The following NEDD4L variants were observed in gnomAD, a reference collection of about 807,000 sequenced individuals.
The protein encoded by NEDD4L is NEDD4 like E3 ubiquitin protein ligase, also known as E3 ubiquitin-protein ligase NEDD4-like.
In NEDD4L, 54 loss-of-function variants were observed where a neutral mutation model predicts 148.9. That is an observed-to-expected ratio of 0.36 (90% CI 0.29 to 0.45). NEDD4L has a LOEUF of 0.45. NEDD4L is among the 20% of genes least tolerant of loss of function. The probability of loss-of-function intolerance (pLI) is 1.00; values close to 1 mark genes in which losing one functional copy is unlikely to be tolerated. For synonymous variants in NEDD4L, 433 were observed against 440.7 expected (o/e 0.98, Z 0.22); for missense variants, 856 against 1,233.8 (o/e 0.69, Z 4.59).
intron 1 of NEDD4L, among the ~76,000 whole-genome samples, chr18:58,151,625 A>ATGTGTGTGTG (rs113714456): frequency 0.085 from 12,037 of 140,948 alleles, 535 homozygotes; most frequent in African/African-American, 0.094. Flanking sequence ...GTGCCTGGAT[A>ATGTGTGTGTG]TGTGTGTGTG....
chr18:58,192,833 A>G (rs1026602365), intron 2 of NEDD4L, among the ~76,000 whole-genome samples: 1 of 152,244 alleles, frequency 6.6e-6, no homozygotes, highest in African/African-American at 2.4e-5. Flanking sequence ...GCACTTGAAC[A>G]TAGGCCATAG....
Position 58,366,187 on chromosome 18 carries a change from G to A in NEDD4L, c.2022G>A (p.Glu674=), listed in dbSNP as rs1254234982. 6.2e-7 allele frequency: 1 copy of A among 1,613,060 alleles called. No homozygotes were observed. ...AREWFFLLSK[E]MFNPYYGLFE... The stretch of plus-strand genomic sequence containing the variant: ...AATGGTTCTTCTTACTGTCCAAAGA[G>A]ATGTTCAACCCCTACTACGGCCTCT... Residue 674 remains glutamate (E), a synonymous_variant, in exon 21 of 31, where the codon GAG becomes GAA. Coordinates refer to ENST00000400345, the MANE Select transcript of NEDD4L (RefSeq NM_001144967.3). The surrounding 1 kb of genome is among the most constrained non-coding windows in gnomAD (Gnocchi z 4.2).
At chr18:58,322,320 C>T (rs2058864905) in intron 6 of NEDD4L, 105 bp from the exon 7 acceptor site, 1 of 816,176 alleles carries the variant, frequency 1.2e-6, no homozygotes, top group East Asian at 2.7e-5. Flanking sequence ...TCAGCGGTGC[C>T]ACATTCTAAA....
In NEDD4L at chr18:58,397,492, G is replaced by C. The variant is rs941099037; in HGVS notation, c.*1223G>C. Reference sequence around the variant, plus strand: ...GATGTAAAGCTGAGCCTACAGACCTGTCCTCACCAACTGTTTTGTGATTTC... The same window carrying C: ...GATGTAAAGCTGAGCCTACAGACCTCTCCTCACCAACTGTTTTGTGATTTC... On this transcript the variant is annotated 3_prime_UTR_variant, in exon 31 of 31. Coordinates refer to ENST00000400345, the MANE Select transcript of NEDD4L (RefSeq NM_001144967.3). 1 of 152,186 alleles carries C rather than the reference G, an allele frequency of 6.6e-6. No homozygotes were observed. Among genetic ancestry groups the C allele is most frequent in the Non-Finnish European group, 1.5e-5 (1 of 68,048 alleles). The allele number at this position is 152,186 out of a possible 1,614,324, so 9.4% of individuals were successfully genotyped here. A position where few individuals can be genotyped will look rare whatever the true frequency, so the allele number is the denominator to read the frequency against.
At chr18:58,281,746 C>T (rs916064075) in intron 5 of NEDD4L, among the ~76,000 whole-genome samples, 1 of 151,854 alleles carries the variant, frequency 6.6e-6, no homozygotes, top group Non-Finnish European at 1.5e-5. Flanking sequence ...AAAATGTTGG[C>T]TGGGCGCGGT....
intron 24 of NEDD4L, among the ~76,000 whole-genome samples, chr18:58,373,996 T>C (rs989344367): frequency 6.6e-6 from 1 of 152,208 alleles, no homozygotes; most frequent in Admixed American, 6.5e-5. Context: ...CTGGTACCTG[T>C]CCTTCCGCAA....
intron 5 of NEDD4L, among the ~76,000 whole-genome samples, chr18:58,311,502 G>A (rs534717984): frequency 1.3e-5 from 2 of 152,302 alleles, no homozygotes; most frequent in East Asian, 3.9e-4. Context: ...CCTGTGGGTA[G>A]CCCTTACTTC....
intron 25 of NEDD4L, 71 bp from the exon 26 acceptor site, chr18:58,385,455 C>A: frequency 8.1e-7 from 1 of 1,229,192 alleles, no homozygotes; most frequent in South Asian, 1.2e-5. Flanking sequence ...GAAGCACTCC[C>A]TGTTGCGGAG....
chr18:58,160,298 A>G (rs181220899), intron 1 of NEDD4L, among the ~76,000 whole-genome samples: 1 of 152,346 alleles, frequency 6.6e-6, no homozygotes, highest in East Asian at 1.9e-4. Context: ...CAGTTTGGAC[A>G]CTATTAGTGT....
At chr18:58,261,252 G>A (rs1209004863) in intron 5 of NEDD4L, among the ~76,000 whole-genome samples, 3 of 152,198 alleles carry the variant, frequency 2.0e-5, no homozygotes, top group South Asian at 2.1e-4. Flanking sequence ...AAAAGGACTC[G>A]TAAGTATATT....
chr18:58,067,440 G>A (rs2082656065), intron 1 of NEDD4L, among the ~76,000 whole-genome samples: 1 of 152,180 alleles, frequency 6.6e-6, no homozygotes. Context: ...GGGTTATCAG[G>A]GAATGAGCTA....
At chr18:58,369,588 C>T (rs2046568265) in intron 22 of NEDD4L, among the ~76,000 whole-genome samples, 1 of 152,192 alleles carries the variant, frequency 6.6e-6, no homozygotes. Context: ...CTGCATAGGG[C>T]CACGCTGAGC....
At chr18:58,391,056 G>A (rs114751531) in intron 29 of NEDD4L, among the ~76,000 whole-genome samples, 347 of 151,506 alleles carry the variant, frequency 2.3e-3, no homozygotes, top group Admixed American at 8.0e-3. Context: ...TTATATGGTC[G>A]TAAACTGAGG....
At chr18:58,082,788 C>CAAAA (rs376651872) in intron 1 of NEDD4L, among the ~76,000 whole-genome samples, 4 of 68,368 alleles carry the variant, frequency 5.9e-5, no homozygotes, top group African/African-American at 1.3e-4. Context: ...GACTCCATCT[C>CAAAA]AAAAAAAAAA....
At chr18:58,109,171 G>T (rs1040408810) in intron 1 of NEDD4L, among the ~76,000 whole-genome samples, 1 of 152,204 alleles carries the variant, frequency 6.6e-6, no homozygotes, top group South Asian at 2.1e-4. Flanking sequence ...ATAAGGCAAG[G>T]CTCCTGCCCT....
intron 5 of NEDD4L, among the ~76,000 whole-genome samples, chr18:58,266,578 T>C (rs1250862075): frequency 6.6e-6 from 1 of 152,162 alleles, no homozygotes; most frequent in Non-Finnish European, 1.5e-5. Context: ...CATTGCAAAG[T>C]AGGTCTTGTA....
intron 1 of NEDD4L, among the ~76,000 whole-genome samples, chr18:58,151,508 T>C (rs903072363): frequency 3.3e-5 from 5 of 152,172 alleles, no homozygotes. Flanking sequence ...TAGTAGGTGC[T>C]CAGTAAAGCT....
chr18:58,206,964 AC>A (rs2042046151), intron 2 of NEDD4L, among the ~76,000 whole-genome samples: 1 of 152,246 alleles, frequency 6.6e-6, no homozygotes. Flanking sequence ...CATCCTGTGC[AC>A]AAGGAAAAGA....
intron 2 of NEDD4L, among the ~76,000 whole-genome samples, chr18:58,180,863 CTG>C (rs1456834650): frequency 6.6e-6 from 1 of 152,222 alleles, no homozygotes; most frequent in Non-Finnish European, 1.5e-5. Flanking sequence ...TGTACAGCCT[CTG>C]TCACCTGAAG....
Sources: gnomAD v4.1 joint callset for allele counts (sites outside exome capture counted in the v4.1 genomes callset) on GRCh38, gnomAD v4.1.1 for gene constraint, Gnocchi (gnomAD v3.1) non-coding constraint, MANE v1.5 for transcripts, NCBI Gene and HGNC (gene_info 2026-07-23, HGNC 2026-07-21) for gene names.